The following TET3 variants were observed in gnomAD, a reference collection of about 807,000 sequenced individuals.
TET3 encodes the protein methylcytosine dioxygenase TET3.
TET3 carries 19 observed loss-of-function variants against 141.4 expected under a neutral mutation model. That is an observed-to-expected ratio of 0.13 (90% confidence interval 0.09 to 0.20). The LOEUF (loss-of-function observed/expected upper bound fraction) is 0.20, where lower values mean the gene tolerates loss of function less well. TET3 is among the 10% of genes least tolerant of loss of function. TET3 has a pLI of 1.00. For missense variants in TET3, 1,874 were observed against 2,356.9 expected (o/e 0.80, Z 4.24); for synonymous variants, 1,043 against 980.9 (o/e 1.06, Z -1.18).
At chr2:74,037,372 G>A (rs967716677) in intron 3 of TET3, among the ~76,000 whole-genome samples, 1 of 152,242 alleles carries the variant, frequency 6.6e-6, no homozygotes, top group Non-Finnish European at 1.5e-5. Context: ...TGGTGGCAAG[G>A]AAGAAGGAAT....
At chr2:74,068,049 T>C (rs190942371) in intron 4 of TET3, among the ~76,000 whole-genome samples, 1 of 152,238 alleles carries the variant, frequency 6.6e-6, no homozygotes, top group Admixed American at 6.5e-5. Context: ...ATGGTGATAA[T>C]TGAGGCAAGA....
chr2:74,032,509 T>TGTGTG (rs1686806043), intron 3 of TET3, among the ~76,000 whole-genome samples: 2 of 47,450 alleles, frequency 4.2e-5, no homozygotes, highest in Admixed American at 2.0e-4. Context: ...GTGTGTGTGT[T>TGTGTG]AGGGGAGTTG....
At chr2:74,111,284 A>G, downstream of TET3, among the ~76,000 whole-genome samples, 1 of 152,178 alleles carries the variant, frequency 6.6e-6, no homozygotes, top group East Asian at 1.9e-4. Context: ...CTATGACCCT[A>G]ATGCCAATGA....
chr2:74,019,959 T>C (rs561866748), intron 3 of TET3, among the ~76,000 whole-genome samples: 1 of 152,280 alleles, frequency 6.6e-6, no homozygotes, highest in South Asian at 2.1e-4. Context: ...AACAAACTTA[T>C]CTGCAGCTTC....
In TET3 at chr2:74,073,650, C is replaced by A. The variant is rs1278391585; in HGVS notation, c.2585+11C>A. On this transcript the variant is annotated intron_variant, in intron 5 of 11. Coordinates refer to ENST00000409262, the MANE Select transcript of TET3 (RefSeq NM_001287491.2). ...ACTCATGGAGGAGCGGTGAGTGATA[C>A]ACAGATGTCCAAGGAGAAATGGATG... 3 of 1,595,648 alleles carry A rather than the reference C, an allele frequency of 1.9e-6. No individual in the cohort carries two copies. Among genetic ancestry groups the A allele is most frequent in the Admixed American group, 3.5e-5 (2 of 57,152 alleles).
At position 74,101,669 on chromosome 2, in the gene TET3, C is replaced by G. The variant is rs115005250; in HGVS notation, c.4881C>G (p.Gly1627=). The G allele has an allele frequency of 1.2e-6, 2 of 1,613,592 alleles. No individual in the cohort carries two copies. Among genetic ancestry groups the G allele is most frequent in the East Asian group, 2.2e-5 (1 of 44,860 alleles). The part of the protein sequence containing the change: ...PSKGAVKEEK[G]GGGAEEEEEE... ...AGGGAGCGGTGAAGGAGGAGAAGGG[C>G]GGTGGTGGTGCGGAGGAGGAAGAGG... is the stretch of plus-strand genomic sequence containing the variant. Residue 1627 remains glycine (G), a synonymous_variant, in exon 12 of 12, where the codon GGC becomes GGG. Coordinates refer to ENST00000409262, the MANE Select transcript of TET3 (RefSeq NM_001287491.2). The surrounding 1 kb of genome is among the most constrained non-coding windows in gnomAD (Gnocchi z 8.5).
At chr2:74,049,501 T>C (rs991412091) in intron 4 of TET3, among the ~76,000 whole-genome samples, 1 of 152,138 alleles carries the variant, frequency 6.6e-6, no homozygotes, top group African/African-American at 2.4e-5. Context: ...CCAGGTCCAC[T>C]CGGCCCCCAC....
Position 74,101,091 on chromosome 2 carries a change from T to C in TET3, c.4303T>C (p.Trp1435Arg), listed in dbSNP as rs758867329. The change falls in exon 12 of 12, where the codon TGG becomes CGG. Residue 1435 changes from tryptophan to arginine, a missense_variant. By Grantham distance (101) the Trp-to-Arg change is moderately radical. This residue lies in a region of TET3 where 602 missense variants were observed against 590.2 expected (regional missense o/e 1.02). Transcript: ENST00000409262. This position sits in a 1 kb window ranked among gnomAD's most constrained non-coding sequence, Gnocchi z 8.5. The stretch of plus-strand genomic sequence containing the variant: ...TCAGAATGGAGGACCCAGTCACCTT[T>C]GGGGACAGTACTCAGGAGGCCCAAG... ...VSQNGGPSHLWGQYSGGPSMS... is the reference protein window; with the variant it reads ...VSQNGGPSHLRGQYSGGPSMS... 1.4e-5 allele frequency: 22 copies of C among 1,612,990 alleles called. No individual in the cohort carries two copies. In the East Asian group the frequency reaches 3.1e-4, roughly 23 times the overall value.
chr2:74,090,145 T>C, intron 8 of TET3, 98 bp downstream of exon 8: 2 of 1,521,464 alleles, frequency 1.3e-6, no homozygotes, highest in Non-Finnish European at 1.8e-6. Flanking sequence ...ATGACTCAGA[T>C]GCACAGGAAG....
chr2:74,088,670 CAG>C (rs1259090510), intron 7 of TET3, among the ~76,000 whole-genome samples: 3 of 151,982 alleles, frequency 2.0e-5, no homozygotes, highest in Non-Finnish European at 4.4e-5. Context: ...CTGCCCTTAT[CAG>C]AGTTTTTCCC....
At chr2:74,111,851 C>T (rs144284459), downstream of TET3, among the ~76,000 whole-genome samples, 1 of 152,262 alleles carries the variant, frequency 6.6e-6, no homozygotes, top group African/African-American at 2.4e-5. Flanking sequence ...ACCCACAAAC[C>T]CAAGGGACAT....
At chr2:74,010,299 G>C (rs1313083210) in intron 3 of TET3, among the ~76,000 whole-genome samples, 3 of 152,178 alleles carry the variant, frequency 2.0e-5, no homozygotes, top group African/African-American at 7.2e-5. Context: ...GCCTCCATGT[G>C]GGGGGTGTTG....
chr2:74,004,028 G>C (rs1685015112), intron 3 of TET3, among the ~76,000 whole-genome samples: 1 of 152,150 alleles, frequency 6.6e-6, no homozygotes, highest in South Asian at 2.1e-4. Context: ...GGATTACTCA[G>C]CAGTATCCTC....
chr2:74,082,756 G>GCCTC, intron 6 of TET3, among the ~76,000 whole-genome samples: 1 of 152,246 alleles, frequency 6.6e-6, no homozygotes, highest in East Asian at 1.9e-4. Flanking sequence ...GGTTTAAAGA[G>GCCTC]TTCCACCTCC....
At chr2:74,115,643 TGAA>T in the TET3 span, among the ~76,000 whole-genome samples, 1 of 152,132 alleles carries the variant, frequency 6.6e-6, no homozygotes, top group Non-Finnish European at 1.5e-5. Flanking sequence ...AATTTAATGT[TGAA>T]GATGATTCAA....
the TET3 span, among the ~76,000 whole-genome samples, chr2:74,119,642 G>A: frequency 6.0e-3 from 911 of 152,304 alleles, 15 homozygotes; most frequent in African/African-American, 0.021. Context: ...AAGTAATCCA[G>A]GAGGTGTTAC....
intron 3 of TET3, among the ~76,000 whole-genome samples, chr2:74,024,994 C>CG: frequency 6.6e-6 from 1 of 151,824 alleles, no homozygotes; most frequent in Admixed American, 6.6e-5. Flanking sequence ...GAGGCCGAGG[C>CG]GGGTGGATCA....
At position 74,090,043 on chromosome 2, in the gene TET3, A is replaced by C. The variant is rs1299383292; in HGVS notation, c.3035A>C (p.Lys1012Thr). Residue 1012 changes from lysine (K) to threonine (T), a missense_variant, in exon 8 of 12, where the codon AAA becomes ACA. Physicochemically the swap from Lys to Thr is moderately conservative, Grantham distance 78. Coordinates refer to ENST00000409262, the MANE Select transcript of TET3 (RefSeq NM_001287491.2). ...TTCCGCCTCGCAGGGGACAATCCCA[A>C]AGAGGTGAGCAGAGCTGGGCGGGGA... ...RKFRLAGDNP[K>T]EEEVLRKSFQ... is the part of the protein sequence containing the mutation. 6.2e-7 allele frequency: 1 copy of C among 1,613,954 alleles called. No individual in the cohort carries two copies. Among genetic ancestry groups the C allele is most frequent in the Non-Finnish European group, 8.5e-7 (1 of 1,179,868 alleles).
the TET3 span, among the ~76,000 whole-genome samples, chr2:74,117,295 T>G: frequency 1.8e-4 from 27 of 152,292 alleles, no homozygotes; most frequent in Admixed American, 1.2e-3. Flanking sequence ...CAGGCTGGCC[T>G]TGAACTCCTG....
Sources: gnomAD v4.1 joint callset for allele counts (sites outside exome capture counted in the v4.1 genomes callset) on GRCh38, gnomAD v4.1.1 for gene constraint, gnomAD v4.1.1 regional missense constraint, Gnocchi (gnomAD v3.1) non-coding constraint, MANE v1.5 for transcripts, NCBI Gene and HGNC (gene_info 2026-07-23, HGNC 2026-07-21) for gene names.